LAPTM4A: variants seen among roughly 807,000 people sequenced by gnomAD.
The protein encoded by LAPTM4A is lysosomal-associated transmembrane protein 4A.
Under a neutral mutation model 29.9 loss-of-function variants are expected in LAPTM4A, and 19 were observed. The ratio of observed to expected loss-of-function variants is 0.64; its 90% CI spans 0.44 to 0.93. The LOEUF (loss-of-function observed/expected upper bound fraction) is 0.93. Ranked by LOEUF, LAPTM4A falls within the 40% of genes least tolerant of loss-of-function variation. The pLI is 0.00. For synonymous variants in LAPTM4A, 105 were observed against 102.1 expected, an observed-to-expected ratio of 1.03 and a Z score of -0.17; for missense variants, 293 against 288.5, an observed-to-expected ratio of 1.02 and a Z score of -0.11.
chr2:20,046,763 T>C (rs1316899049), intron 1 of LAPTM4A, among the ~76,000 whole-genome samples: 6 of 142,528 alleles, frequency 4.2e-5, no homozygotes, highest in African/African-American at 8.0e-5. Context: ...TAAATATATA[T>C]ATAATATAAT....
chr2:20,035,229 C>T lies in LAPTM4A; in HGVS notation c.433-167G>A, dbSNP rs1395413605. On this transcript the variant is annotated intron_variant, in intron 4 of 6. Transcript: ENST00000175091. ...AGTGCTTTTAAATTTTAAGCCTTAT[C>T]ACCATTAATGCATGCTAACAATCAC... 8.3e-6 allele frequency: 5 copies of T among 605,400 alleles called. No individual in the cohort carries two copies. In the African/African-American group the frequency reaches 9.3e-5, roughly 11 times the overall value. 37.5% of individuals were successfully genotyped at this position (605,400 alleles called of 1,614,324 possible).
chr2:20,050,385 G>A (rs1406606203), intron 1 of LAPTM4A, among the ~76,000 whole-genome samples: 1 of 152,138 alleles, frequency 6.6e-6, no homozygotes, highest in Non-Finnish European at 1.5e-5. Flanking sequence ...TTCCTCTTTT[G>A]CAGTTAAGTA....
At chr2:20,037,853 A>G (rs377292576) in intron 2 of LAPTM4A, among the ~76,000 whole-genome samples, 1 of 152,234 alleles carries the variant, frequency 6.6e-6, no homozygotes, top group East Asian at 1.9e-4. Context: ...ACTCACTGAC[A>G]TGGGTGTAGG....
intron 6 of LAPTM4A, 141 bp from the exon 7 acceptor site, chr2:20,033,420 T>C: frequency 1.4e-6 from 1 of 692,394 alleles, no homozygotes; most frequent in Admixed American, 2.3e-5. Context: ...AGCTAAAATG[T>C]TCCCAAGTAG....
chr2:20,049,881 G>A (rs993868337), intron 1 of LAPTM4A, among the ~76,000 whole-genome samples: 1 of 152,138 alleles, frequency 6.6e-6, no homozygotes, highest in Non-Finnish European at 1.5e-5. Context: ...TATTCATTTA[G>A]GGAAATAGAA....
At chr2:20,046,731 C>A (rs557707532) in intron 1 of LAPTM4A, among the ~76,000 whole-genome samples, 47 of 130,940 alleles carry the variant, frequency 3.6e-4, no homozygotes, top group African/African-American at 1.0e-3. Context: ...TATTATATAT[C>A]TATATATAAA....
intron 1 of LAPTM4A, among the ~76,000 whole-genome samples, chr2:20,048,562 G>T (rs1367884327): frequency 6.6e-6 from 1 of 152,184 alleles, no homozygotes; most frequent in Non-Finnish European, 1.5e-5. Flanking sequence ...AGAAAGCAAT[G>T]AGACTGTATC....
intron 1 of LAPTM4A, among the ~76,000 whole-genome samples, chr2:20,041,764 A>G (rs924790239): frequency 6.6e-6 from 1 of 152,068 alleles, no homozygotes; most frequent in Non-Finnish European, 1.5e-5. Flanking sequence ...CTAATTCCTG[A>G]CCTCAAGTGA....
chr2:20,038,502 T>C (rs1259428328), intron 2 of LAPTM4A, among the ~76,000 whole-genome samples: 1 of 152,158 alleles, frequency 6.6e-6, no homozygotes. Context: ...CTCGGCTCAC[T>C]GCAACCTCAA....
At position 20,047,016 on chromosome 2, in the gene LAPTM4A, A is replaced by C. The variant is rs957940882; in HGVS notation, c.111+4394T>G. Among the ~76,000 whole-genome samples the C allele has an allele frequency of 2.6e-5, 4 of 151,976 alleles. No homozygotes were observed. In the East Asian group the frequency reaches 7.8e-4, roughly 29 times the overall value. On this transcript the variant is annotated intron_variant, in intron 1 of 6. Transcript: ENST00000175091. ...ATCCTACCAATGTGTACTGAGTACT[A>C]TTTAATAAGTACATACAAGAAGGAT...
Position 20,038,365 on chromosome 2 carries a change from C to T in LAPTM4A, c.233-751G>A, listed in dbSNP as rs143295264. ...CAAGTAATCTCAAGCAATTCTAAAC[C>T]GTGCCTGACTTACTGAATTTCTTAG... is the stretch of plus-strand genomic sequence containing the variant. On this transcript the variant is annotated intron_variant, in intron 2 of 6. Transcript: ENST00000175091. 2.5e-3 allele frequency among the ~76,000 whole-genome samples: 376 copies of T among 152,290 alleles called. 2 individuals carry two copies. The highest frequency in any genetic ancestry group is 8.5e-3 in the African/African-American group (352 of 41,550).
intron 1 of LAPTM4A, among the ~76,000 whole-genome samples, 153 bp from the exon 2 acceptor site, chr2:20,041,164 G>A (rs1041381548): frequency 2.6e-5 from 4 of 152,056 alleles, no homozygotes; most frequent in South Asian, 4.2e-4. Flanking sequence ...AAAACAATAC[G>A]CAATTACCAC....
intron 1 of LAPTM4A, among the ~76,000 whole-genome samples, chr2:20,048,769 T>C (rs1673993199): frequency 6.6e-6 from 1 of 152,172 alleles, no homozygotes; most frequent in African/African-American, 2.4e-5. Context: ...GAAGTGACAT[T>C]TAATACTCAC....
At chr2:20,046,165 G>C (rs1247804251) in intron 1 of LAPTM4A, among the ~76,000 whole-genome samples, 1 of 152,124 alleles carries the variant, frequency 6.6e-6, no homozygotes, top group Non-Finnish European at 1.5e-5. Flanking sequence ...GACACAGGGT[G>C]GGGAACATCA....
At chr2:20,045,008 T>A (rs1673881244) in intron 1 of LAPTM4A, among the ~76,000 whole-genome samples, 1 of 152,206 alleles carries the variant, frequency 6.6e-6, no homozygotes, top group African/African-American at 2.4e-5. Flanking sequence ...CCTCCTAAAG[T>A]GCTAGGATGA....
intron 1 of LAPTM4A, among the ~76,000 whole-genome samples, chr2:20,044,858 A>T (rs980938993): frequency 2.6e-5 from 4 of 152,134 alleles, no homozygotes; most frequent in African/African-American, 9.7e-5. Context: ...TTTCATTAGA[A>T]CCCCAACTTA....
At chr2:20,035,101 C>G (rs758574633) in intron 4 of LAPTM4A, 39 bp from the exon 5 acceptor site, 1 of 1,367,310 alleles carries the variant, frequency 7.3e-7, no homozygotes, top group Non-Finnish European at 1.0e-6. Context: ...AGTCAGCCAT[C>G]GCACTAGCAC....
At chr2:20,038,679 G>A (rs1289232513) in intron 2 of LAPTM4A, among the ~76,000 whole-genome samples, 1 of 152,120 alleles carries the variant, frequency 6.6e-6, no homozygotes, top group Non-Finnish European at 1.5e-5. Context: ...TCTGGGCAGA[G>A]ATTAAGAAAC....
chr2:20,040,075 C>T (rs1673762995), intron 2 of LAPTM4A, among the ~76,000 whole-genome samples: 1 of 152,126 alleles, frequency 6.6e-6, no homozygotes, highest in African/African-American at 2.4e-5. Flanking sequence ...TTATCCCATT[C>T]ATAAGGGTAG....
Sources: allele counts gnomAD v4.1 joint callset (sites outside exome capture counted in the v4.1 genomes callset), GRCh38; gene constraint gnomAD v4.1.1; transcripts MANE v1.5; gene names NCBI Gene and HGNC (gene_info 2026-07-23, HGNC 2026-07-21).